GRAMD1B: variants seen among roughly 807,000 people sequenced by gnomAD.
GRAMD1B encodes GRAM domain containing 1B.
Under a neutral mutation model 99.7 loss-of-function variants are expected in GRAMD1B, and 37 were observed. The ratio of observed to expected loss-of-function variants is 0.37; its 90% CI spans 0.29 to 0.49. The LOEUF (loss-of-function observed/expected upper bound fraction) is 0.49, where lower values mean the gene tolerates loss of function less well. Among genes scored for constraint, GRAMD1B ranks in the 20% least tolerant of loss-of-function variants. GRAMD1B has a pLI of 0.98. For synonymous variants in GRAMD1B, 427 were observed against 387.6 expected (o/e 1.10, Z -1.19); for missense variants, 888 against 1,009.2 (o/e 0.88, Z 1.63).
At chr11:123,553,826 T>C (rs1252949186) in intron 2 of GRAMD1B, among the ~76,000 whole-genome samples, 2 of 152,284 alleles carry the variant, frequency 1.3e-5, no homozygotes, top group East Asian at 1.9e-4. Context: ...GAAAGAGTTA[T>C]TTAATAGGGT....
intron 3 of GRAMD1B, 140 bp from the exon 4 acceptor site, chr11:123,584,172 C>G (rs1949784268): frequency 1.8e-6 from 1 of 565,502 alleles, no homozygotes; most frequent in Non-Finnish European, 3.2e-6. Context: ...CCCTCCTGAG[C>G]AACCACATGG....
chr11:123,554,590 G>T (rs1945983844), intron 2 of GRAMD1B, among the ~76,000 whole-genome samples: 1 of 151,554 alleles, frequency 6.6e-6, no homozygotes, highest in South Asian at 2.1e-4. Context: ...TGTGCCTGTA[G>T]CCCCAGCTAT....
intron 1 of GRAMD1B, among the ~76,000 whole-genome samples, chr11:123,417,541 G>A (rs536249319): frequency 2.0e-5 from 3 of 152,294 alleles, no homozygotes; most frequent in Non-Finnish European, 4.4e-5. Context: ...AGCAAATCAC[G>A]TGAGAACATA....
chr11:123,358,439 C>G (rs942589078), exon 1 of GRAMD1B: 57 of 152,292 alleles, frequency 3.7e-4, no homozygotes, highest in African/African-American at 1.3e-3. Context: ...CACCTAGCCT[C>G]GGAGACAGTG....
At chr11:123,402,656 A>C (rs1054157073) in intron 1 of GRAMD1B, among the ~76,000 whole-genome samples, 6 of 152,152 alleles carry the variant, frequency 3.9e-5, no homozygotes, top group African/African-American at 1.4e-4. Flanking sequence ...ACCACTTCAG[A>C]CTTTCTGCTC....
chr11:123,516,166 C>G lies in GRAMD1B; in HGVS notation c.452+35273C>G, dbSNP rs375518553. Reference sequence around the variant, plus strand: ...CCCCATCATGGTACACGCCAGCACACAAGTGCCACTGGATCATCAAAGGTA... The same window carrying G: ...CCCCATCATGGTACACGCCAGCACAGAAGTGCCACTGGATCATCAAAGGTA... On this transcript the variant is annotated intron_variant, in intron 2 of 19. Coordinates refer to ENST00000635736, the MANE Select transcript of GRAMD1B (RefSeq NM_001387025.1). 3.9e-5 allele frequency among the ~76,000 whole-genome samples: 6 copies of G among 152,186 alleles called. No homozygotes were observed. The East Asian group carries it at 9.6e-4, about 24-fold the overall frequency.
At chr11:123,594,266 T>A in intron 5 of GRAMD1B, 100 bp downstream of exon 5, 1 of 798,930 alleles carries the variant, frequency 1.3e-6, no homozygotes, top group Non-Finnish European at 2.2e-6. Flanking sequence ...CCAACCCAGG[T>A]AAGCAAGGGA....
chr11:123,601,179 C>A (rs908987775), intron 8 of GRAMD1B, among the ~76,000 whole-genome samples: 4 of 152,106 alleles, frequency 2.6e-5, no homozygotes, highest in African/African-American at 9.7e-5. Flanking sequence ...AATTAGCTAA[C>A]CCTGATGGGT....
chr11:123,382,240 C>T (rs1449604564), intron 1 of GRAMD1B, among the ~76,000 whole-genome samples: 1 of 152,140 alleles, frequency 6.6e-6, no homozygotes, highest in Non-Finnish European at 1.5e-5. Context: ...GAGTGTGAAT[C>T]ATAACAGAAG....
chr11:123,467,618 G>A (rs1950755646), intron 1 of GRAMD1B, among the ~76,000 whole-genome samples: 1 of 151,910 alleles, frequency 6.6e-6, no homozygotes, highest in Non-Finnish European at 1.5e-5. Context: ...GCTTCTTTAT[G>A]GGGAAGGTCC....
At chr11:123,530,199 A>AT (rs11405902) in intron 2 of GRAMD1B, among the ~76,000 whole-genome samples, 105,710 of 145,722 alleles carry the variant, frequency 0.73, 40,155 homozygotes, top group East Asian at 0.87. Context: ...GGGAGGGTCC[A>AT]TTTTTTTTTT....
Position 123,362,445 on chromosome 11 carries a change from C to T in GRAMD1B, c.-176+3646C>T, listed in dbSNP as rs533595029. On this transcript the variant is annotated intron_variant, in intron 1 of 20. Coordinates refer to the GRAMD1B transcript ENST00000638157. ...AAAAGAGAAGTTTTTCCCTTCTGAG[C>T]CAAGCTTGCAACAGGGTTAATTTGG... Among the ~76,000 whole-genome samples, 9 of 152,284 alleles carry T rather than the reference C, an allele frequency of 5.9e-5. No homozygotes were observed. The East Asian group carries it at 1.4e-3, about 23-fold the overall frequency.
At position 123,603,413 on chromosome 11, in the gene GRAMD1B, T is replaced by C; in HGVS notation, c.1051-13T>C. On this transcript the variant is annotated splice_polypyrimidine_tract_variant and intron_variant, in intron 8 of 19. Transcript: ENST00000635736. ...AGGGAGCAAGGCTCAGTCGTTCCTT[T>C]TCTCCCCTGAAGCCTCTGTGTCCCA... 6.5e-7 allele frequency: 1 copy of C among 1,529,944 alleles called. No individual in the cohort carries two copies. Among genetic ancestry groups the C allele is most frequent in the South Asian group, 1.1e-5 (1 of 89,264 alleles). 94.8% of individuals were successfully genotyped at this position (1,529,944 alleles called of 1,614,324 possible).
rs554931587 is a variant in GRAMD1B, at chr11:123,586,402, C to T, written c.684+2070C>T. Among the ~76,000 whole-genome samples, 74 of 152,310 alleles carry T rather than the reference C, an allele frequency of 4.9e-4. No homozygotes were observed. In the South Asian group the frequency reaches 0.012, roughly 26 times the overall value. ...TCCTTTCACCTTCCACCCTCTCATC[C>T]CAAGTGCATTACAGAAACATCCCTG... On this transcript the variant is annotated intron_variant, in intron 4 of 19. Coordinates refer to ENST00000635736, the MANE Select transcript of GRAMD1B (RefSeq NM_001387025.1).
chr11:123,439,345 TC>T (rs1486448857), intron 1 of GRAMD1B, among the ~76,000 whole-genome samples: 1 of 152,182 alleles, frequency 6.6e-6, no homozygotes, highest in Admixed American at 6.6e-5. Flanking sequence ...AGCCAGCCAC[TC>T]CCTGCCACCA....
intron 2 of GRAMD1B, among the ~76,000 whole-genome samples, chr11:123,541,823 A>G (rs1944563687): frequency 1.3e-5 from 2 of 152,172 alleles, no homozygotes; most frequent in African/African-American, 2.4e-5. Flanking sequence ...TTCTTATCCT[A>G]TGCCTTTTTT....
intron 3 of GRAMD1B, among the ~76,000 whole-genome samples, chr11:123,581,516 G>T (rs1270521052): frequency 6.6e-6 from 1 of 152,098 alleles, no homozygotes; most frequent in Non-Finnish European, 1.5e-5. Flanking sequence ...TGTGCCTCTG[G>T]GCAGAGTTCA....
rs1955328327 is a variant in GRAMD1B, at chr11:123,623,443, G to A, written c.*848G>A. ...CATTGTTTATTAGCCAGGGTGGAGC[G>A]TTTTCGACCTTATTAAACCTCTTTT... On this transcript the variant is annotated 3_prime_UTR_variant, in exon 20 of 20. Coordinates refer to ENST00000635736, the MANE Select transcript of GRAMD1B (RefSeq NM_001387025.1). The A allele has an allele frequency of 6.6e-6, 1 of 152,160 alleles. No homozygotes were observed. Among genetic ancestry groups the A allele is most frequent in the East Asian group, 1.9e-4 (1 of 5,188 alleles). The allele number at this position is 152,160 out of a possible 1,614,324, so 9.4% of individuals were successfully genotyped here.
chr11:123,613,954 C>G (rs566025235), intron 16 of GRAMD1B, among the ~76,000 whole-genome samples: 1 of 152,190 alleles, frequency 6.6e-6, no homozygotes, highest in South Asian at 2.1e-4. Flanking sequence ...ATGAAGCTTC[C>G]AAGTTCTTGG....
Sources: gnomAD v4.1 joint callset for allele counts (sites outside exome capture counted in the v4.1 genomes callset) on GRCh38, gnomAD v4.1.1 for gene constraint, MANE v1.5 for transcripts, NCBI Gene and HGNC (gene_info 2026-07-23, HGNC 2026-07-21) for gene names.